SPOCK1: variants seen among roughly 807,000 people sequenced by gnomAD.
SPOCK1 encodes the protein SPARC (osteonectin), cwcv and kazal like domains proteoglycan 1.
A neutral mutation model predicts 55.3 loss-of-function variants in SPOCK1; 23 were observed. The observed-to-expected ratio is 0.42, with a 90% CI of 0.30 to 0.59. SPOCK1 has a LOEUF of 0.59. Ranked by LOEUF, SPOCK1 falls within the 20% of genes least tolerant of loss-of-function variation. The pLI, the probability that SPOCK1 is intolerant of heterozygous loss-of-function variation, is 0.22. For synonymous variants in SPOCK1, 226 were observed against 221.0 expected, an observed-to-expected ratio of 1.02 and a Z score of -0.20; for missense variants, 499 against 552.5, an observed-to-expected ratio of 0.90 and a Z score of 0.97.
chr5:137,111,382 T>C (rs547025850), intron 5 of SPOCK1, among the ~76,000 whole-genome samples: 1 of 152,076 alleles, frequency 6.6e-6, no homozygotes, highest in Admixed American at 6.5e-5. Context: ...GGAAGACAGA[T>C]GAAAATGGTG....
intron 2 of SPOCK1, among the ~76,000 whole-genome samples, chr5:137,378,261 G>C (rs572167083): frequency 6.6e-6 from 1 of 152,292 alleles, no homozygotes; most frequent in Admixed American, 6.5e-5. Context: ...CCATTTCTTA[G>C]CTTTGTTCTG....
At chr5:137,087,403 T>C (rs1040576392) in intron 5 of SPOCK1, among the ~76,000 whole-genome samples, 6 of 152,258 alleles carry the variant, frequency 3.9e-5, no homozygotes, top group African/African-American at 1.4e-4. Flanking sequence ...TTTGGGGTTG[T>C]ACTAAGTGAG....
At chr5:137,187,784 G>A (rs1745938245) in intron 3 of SPOCK1, among the ~76,000 whole-genome samples, 1 of 152,166 alleles carries the variant, frequency 6.6e-6, no homozygotes, top group South Asian at 2.1e-4. Flanking sequence ...CTAAAAAAGA[G>A]AATGATAAAG....
intron 6 of SPOCK1, among the ~76,000 whole-genome samples, chr5:137,028,890 C>A (rs572018173): frequency 6.6e-6 from 1 of 152,118 alleles, no homozygotes; most frequent in South Asian, 2.1e-4. Context: ...GCACTGGAAG[C>A]ACCCTTTGAA....
chr5:137,146,902 G>A (rs1400638610), intron 3 of SPOCK1, among the ~76,000 whole-genome samples: 1 of 152,204 alleles, frequency 6.6e-6, no homozygotes, highest in Non-Finnish European at 1.5e-5. Context: ...ATGCATTTAA[G>A]GATTGGGGAA....
chr5:137,151,157 AT>A (rs4035066), intron 3 of SPOCK1, among the ~76,000 whole-genome samples: 18 of 149,890 alleles, frequency 1.2e-4, no homozygotes, highest in African/African-American at 3.2e-4. Flanking sequence ...GTATTTTGTA[AT>A]TTTTTTTTTG....
At chr5:136,991,123 G>A (rs771232163) in intron 7 of SPOCK1, among the ~76,000 whole-genome samples, 11 of 152,104 alleles carry the variant, frequency 7.2e-5, no homozygotes, top group Non-Finnish European at 1.6e-4. Flanking sequence ...TTTGGGCAAA[G>A]GCAGGTCTTC....
At chr5:137,180,120 G>A (rs959383967) in intron 3 of SPOCK1, among the ~76,000 whole-genome samples, 2 of 152,134 alleles carry the variant, frequency 1.3e-5, no homozygotes, top group African/African-American at 4.8e-5. Flanking sequence ...TCTGGCAGAG[G>A]CAAGCATCCG....
At chr5:137,220,515 C>T (rs1755827136) in intron 3 of SPOCK1, among the ~76,000 whole-genome samples, 1 of 152,208 alleles carries the variant, frequency 6.6e-6, no homozygotes, top group East Asian at 1.9e-4. Flanking sequence ...TTTTACCCCA[C>T]TTTATAGAGG....
At chr5:137,388,880 A>G (rs937983914) in intron 2 of SPOCK1, among the ~76,000 whole-genome samples, 1 of 152,242 alleles carries the variant, frequency 6.6e-6, no homozygotes, top group East Asian at 1.9e-4. Flanking sequence ...CAGCTGTGAC[A>G]CTGACAAGAA....
At chr5:137,340,896 A>AT (rs1333162544) in intron 2 of SPOCK1, among the ~76,000 whole-genome samples, 21 of 150,828 alleles carry the variant, frequency 1.4e-4, no homozygotes, top group African/African-American at 4.8e-4. Context: ...AAAAAAAAAA[A>AT]GGAAGAAGAT....
chr5:137,368,483 T>A (rs551131586), intron 2 of SPOCK1, among the ~76,000 whole-genome samples: 1 of 152,110 alleles, frequency 6.6e-6, no homozygotes, highest in African/African-American at 2.4e-5. Context: ...TGGGAGAGGC[T>A]GATCCAGGTA....
intron 5 of SPOCK1, among the ~76,000 whole-genome samples, chr5:137,093,868 C>G (rs1580747109): frequency 6.6e-6 from 1 of 152,308 alleles, no homozygotes; most frequent in East Asian, 1.9e-4. Context: ...CCTGGGGGAG[C>G]AGGGTGAGGA....
intron 2 of SPOCK1, among the ~76,000 whole-genome samples, chr5:137,272,755 CACACGGGCCTA>C (rs1561490215): frequency 5.7e-5 from 7 of 122,158 alleles, no homozygotes; most frequent in African/African-American, 2.2e-4. Context: ...CCCCAACACA[CACACGGGCCTA>C]GGCCGCTTCT....
intron 2 of SPOCK1, among the ~76,000 whole-genome samples, chr5:137,297,040 AAT>A (rs1757502807): frequency 6.6e-6 from 1 of 152,246 alleles, no homozygotes; most frequent in Non-Finnish European, 1.5e-5. Context: ...ATACACATGC[AAT>A]AGATACATAT....
At chr5:137,050,795 A>G (rs2126997510) in intron 6 of SPOCK1, among the ~76,000 whole-genome samples, 1 of 152,370 alleles carries the variant, frequency 6.6e-6, no homozygotes, top group Non-Finnish European at 1.5e-5. Flanking sequence ...TTTGAAAGAA[A>G]TAGTCATTTT....
intron 2 of SPOCK1, chr5:137,273,421 A>C: frequency 4.1e-6 from 4 of 972,854 alleles, no homozygotes; most frequent in African/African-American, 1.8e-5. Flanking sequence ...AAAAAAATAA[A>C]AGAATCACAT....
chr5:137,367,889 A>T (rs750801293), intron 2 of SPOCK1, among the ~76,000 whole-genome samples: 4 of 152,366 alleles, frequency 2.6e-5, no homozygotes, highest in Non-Finnish European at 5.9e-5. Flanking sequence ...AAAGGGCTGT[A>T]GCCAAGGCGA....
At position 136,978,463 on chromosome 5, in the gene SPOCK1, C is replaced by T. The variant is rs940464985; in HGVS notation, c.*191G>A. ...AACAACAAAAAAAAAACACAACACC[C>T]TTTCTCCCATACAAACATATGCAAA... On this transcript the variant is annotated 3_prime_UTR_variant, in exon 11 of 11. Coordinates refer to ENST00000394945, the MANE Select transcript of SPOCK1 (RefSeq NM_004598.4). 2 of 476,934 alleles carry T rather than the reference C, an allele frequency of 4.2e-6. No individual in the cohort carries two copies. Among genetic ancestry groups the T allele is most frequent in the African/African-American group, 4.0e-5 (2 of 49,934 alleles). The allele number at this position is 476,934 out of a possible 1,614,324, so 29.5% of individuals were successfully genotyped here.
Sources: allele counts gnomAD v4.1 joint callset (sites outside exome capture counted in the v4.1 genomes callset), GRCh38; gene constraint gnomAD v4.1.1; transcripts MANE v1.5; gene names NCBI Gene and HGNC (gene_info 2026-07-23, HGNC 2026-07-21).